The following DNAH7 variants were observed in gnomAD, a reference collection of about 807,000 sequenced individuals.
The protein encoded by DNAH7 is axonemal beta dynein heavy chain 7.
A neutral mutation model predicts 444.6 loss-of-function variants in DNAH7; 397 were observed. The observed-to-expected ratio is 0.89, with a 90% CI of 0.82 to 0.97. DNAH7 has a LOEUF of 0.97. Among genes scored for constraint, DNAH7 ranks in the 50% least tolerant of loss-of-function variants. DNAH7 has a pLI of 0.00. For synonymous variants in DNAH7, 1,636 were observed against 1,624.4 expected, an observed-to-expected ratio of 1.01 and a Z score of -0.17; for missense variants, 4,902 against 4,800.8, an observed-to-expected ratio of 1.02 and a Z score of -0.62.
intron 29 of DNAH7, among the ~76,000 whole-genome samples, chr2:195,897,057 T>G (rs551150800): frequency 6.6e-6 from 1 of 152,264 alleles, no homozygotes; most frequent in Admixed American, 6.5e-5. Flanking sequence ...GTCCAACATC[T>G]AACATTTAGG....
chr2:196,009,594 C>T (rs1325357757), intron 10 of DNAH7, among the ~76,000 whole-genome samples: 2 of 152,124 alleles, frequency 1.3e-5, no homozygotes, highest in Non-Finnish European at 2.9e-5. Flanking sequence ...TTCAGTATTA[C>T]ATTGGTCTGG....
Position 195,926,558 on chromosome 2 carries a change from T to G in DNAH7, c.3480A>C (p.Gly1160=), listed in dbSNP as rs760367539. 6.3e-7 allele frequency: 1 copy of G among 1,593,560 alleles called. No homozygotes were observed. Among genetic ancestry groups the G allele is most frequent in the South Asian group, 1.1e-5 (1 of 87,074 alleles). Residue 1160 remains glycine (G), a synonymous_variant, in exon 22 of 65, where the codon GGA becomes GGC. Coordinates refer to ENST00000312428, the MANE Select transcript of DNAH7 (RefSeq NM_018897.3). ...ATTTTGTATAGGCAAAAGTTGCATC[T>G]CCAGTTACCTAATCAAAAAAGAATA... is the stretch of plus-strand genomic sequence containing the variant. ...VMINSIHKVT[G]DATFAYTKYE...
At chr2:195,884,407 T>G (rs1295054424) in intron 35 of DNAH7, among the ~76,000 whole-genome samples, 178 bp downstream of exon 35, 1 of 152,178 alleles carries the variant, frequency 6.6e-6, no homozygotes, top group Non-Finnish European at 1.5e-5. Context: ...GAAAGTGACT[T>G]TACTAGGACT....
At chr2:195,916,437 AC>A (rs1200944120) in intron 24 of DNAH7, among the ~76,000 whole-genome samples, 4 of 60,332 alleles carry the variant, frequency 6.6e-5, no homozygotes, top group East Asian at 5.8e-4. Context: ...GGCTCCTCCC[AC>A]CCCCCCACCC....
At chr2:196,066,782 CACTTTCT>C (rs1016652381) in intron 1 of DNAH7, among the ~76,000 whole-genome samples, 28 of 151,622 alleles carry the variant, frequency 1.8e-4, no homozygotes, top group Non-Finnish European at 1.2e-4. Context: ...ACCACCTGCT[CACTTTCT>C]CAAACTGAAT....
At chr2:195,897,880 C>A in intron 28 of DNAH7, 115 bp from the exon 29 acceptor site, 2 of 494,616 alleles carry the variant, frequency 4.0e-6, no homozygotes, top group Non-Finnish European at 7.3e-6. Context: ...TAAACAAATG[C>A]AGCTCTTCTT....
At chr2:195,753,124 C>A (rs1307732998) in intron 63 of DNAH7, among the ~76,000 whole-genome samples, 2 of 151,876 alleles carry the variant, frequency 1.3e-5, no homozygotes, top group Non-Finnish European at 2.9e-5. Flanking sequence ...GAGCAAAGCC[C>A]TTGAGAAGGA....
chr2:195,858,343 T>A, intron 43 of DNAH7, 131 bp downstream of exon 43: 1 of 805,510 alleles, frequency 1.2e-6, no homozygotes. Context: ...TTTTGCCAAT[T>A]TCAAAATGAT....
chr2:195,808,951 AGAGTT>A, intron 52 of DNAH7, 75 bp from the exon 53 acceptor site: 1 of 1,310,102 alleles, frequency 7.6e-7, no homozygotes. Context: ...CCATTATAAA[AGAGTT>A]GAGTGTTGAC....
At chr2:195,897,941 G>T (rs1702428792) in intron 28 of DNAH7, among the ~76,000 whole-genome samples, 176 bp from the exon 29 acceptor site, 1 of 151,536 alleles carries the variant, frequency 6.6e-6, no homozygotes, top group Non-Finnish European at 1.5e-5. Context: ...TAAACTTGTT[G>T]TGTTTTTTTT....
intron 62 of DNAH7, among the ~76,000 whole-genome samples, chr2:195,755,041 G>A (rs1694004561): frequency 1.3e-5 from 2 of 152,124 alleles, no homozygotes; most frequent in Admixed American, 6.5e-5. Flanking sequence ...TTTTATACAT[G>A]CCCCATGATT....
chr2:195,994,625 T>G (rs879486473), intron 12 of DNAH7: 1 of 497,464 alleles, frequency 2.0e-6, no homozygotes, highest in Non-Finnish European at 3.9e-6. Context: ...CTTGGGTACT[T>G]GCCAAATGTA....
chr2:195,811,598 G>A (rs62201498), intron 51 of DNAH7, among the ~76,000 whole-genome samples: 14,186 of 152,090 alleles, frequency 0.093, 729 homozygotes, highest in African/African-American at 0.13. Flanking sequence ...CAATCTGCCC[G>A]CCTCAGCCTC....
At chr2:195,848,379 G>A (rs906287549) in intron 46 of DNAH7, among the ~76,000 whole-genome samples, 3 of 152,206 alleles carry the variant, frequency 2.0e-5, no homozygotes, top group Non-Finnish European at 4.4e-5. Context: ...CAGAAATCAT[G>A]TGCTCTTCTC....
intron 12 of DNAH7, chr2:195,994,593 C>G (rs1357614177): frequency 4.1e-6 from 2 of 490,756 alleles, no homozygotes; most frequent in African/African-American, 4.0e-5. Context: ...CTCTTCCGGA[C>G]AGGAGTAAAC....
At chr2:195,776,384 G>A (rs141860010) in intron 59 of DNAH7, among the ~76,000 whole-genome samples, 1,952 of 151,888 alleles carry the variant, frequency 0.013, 87 homozygotes, top group Admixed American at 0.079. Flanking sequence ...CAGAAGTTGC[G>A]GTGAGCTGAG....
chr2:195,830,852 A>C lies in DNAH7; in HGVS notation c.9100+3354T>G, dbSNP rs570447632. On this transcript the variant is annotated intron_variant, in intron 48 of 64. Coordinates refer to ENST00000312428, the MANE Select transcript of DNAH7 (RefSeq NM_018897.3). ...GCCCCTTTAACCTATAAGCTTCATG[A>C]AACTAAAGACTGAGTCTGTCTTATT... Among the ~76,000 whole-genome samples, 62 of 152,340 alleles carry C rather than the reference A, an allele frequency of 4.1e-4. 1 individual carries two copies. The South Asian group carries it at 0.013, about 32-fold the overall frequency.
At chr2:195,807,990 A>G (rs2124849277) in intron 53 of DNAH7, among the ~76,000 whole-genome samples, 1 of 152,320 alleles carries the variant, frequency 6.6e-6, no homozygotes, top group South Asian at 2.1e-4. Context: ...TAACCAAACA[A>G]AACATACTCT....
At chr2:195,913,754 G>A (rs573697361) in intron 24 of DNAH7, among the ~76,000 whole-genome samples, 13 of 152,192 alleles carry the variant, frequency 8.5e-5, no homozygotes, top group Admixed American at 3.3e-4. Flanking sequence ...TCGCTCTGTC[G>A]TCCAGGCTGG....
Sources: gnomAD v4.1 joint callset for allele counts (sites outside exome capture counted in the v4.1 genomes callset) on GRCh38, gnomAD v4.1.1 for gene constraint, MANE v1.5 for transcripts, NCBI Gene and HGNC (gene_info 2026-07-23, HGNC 2026-07-21) for gene names.